The following ARAP2 variants were observed in gnomAD, a reference collection of about 807,000 sequenced individuals.
ARAP2 encodes arf-GAP with Rho-GAP domain, ANK repeat and PH domain-containing protein 2.
In ARAP2, 148 loss-of-function variants were observed where a neutral mutation model predicts 194.5. The ratio of observed to expected loss-of-function variants is 0.76; its 90% CI spans 0.67 to 0.87. The LOEUF (loss-of-function observed/expected upper bound fraction) is 0.87, where lower values mean the gene tolerates loss of function less well. Ranked by LOEUF, ARAP2 falls within the 40% of genes least tolerant of loss-of-function variation. The pLI, the probability that ARAP2 is intolerant of heterozygous loss-of-function variation, is 0.00. For synonymous variants in ARAP2, 695 were observed against 683.5 expected (o/e 1.02, Z -0.26); for missense variants, 2,128 against 1,989.7 (o/e 1.07, Z -1.32).
chr4:36,074,178 C>A (rs1348324259), intron 31 of ARAP2, among the ~76,000 whole-genome samples: 3 of 152,104 alleles, frequency 2.0e-5, no homozygotes, highest in African/African-American at 7.2e-5. Context: ...AGTAACTATA[C>A]ATTTACACCA....
chr4:36,211,059 C>A (rs1382395443), intron 5 of ARAP2, among the ~76,000 whole-genome samples: 1 of 152,106 alleles, frequency 6.6e-6, no homozygotes, highest in East Asian at 1.9e-4. Flanking sequence ...ACAATTTAAA[C>A]ATCTTTAATA....
chr4:36,158,745 T>C lies in ARAP2; in HGVS notation c.2737A>G (p.Lys913Glu). 1 of 1,604,832 alleles carries C rather than the reference T, an allele frequency of 6.2e-7. No homozygotes were observed. The highest frequency in any genetic ancestry group is 8.5e-7 in the Non-Finnish European group (1 of 1,177,456). The change falls in exon 15 of 33, where the codon AAA becomes GAA. Residue 913 changes from lysine (K) to glutamate (E), a missense_variant. Transcript: ENST00000303965. ...PSAASKLSSEKKLLEETNKKW... is the reference protein window; with the variant it reads ...PSAASKLSSEEKLLEETNKKW... ...GAAAAAATACCTTCAAGCAGTTTTT[T>C]CTCTGAAGAGAGTTTAGAAGCAGCA...
chr4:36,167,679 TTCAA>T (rs1735602340), intron 9 of ARAP2, among the ~76,000 whole-genome samples: 1 of 152,196 alleles, frequency 6.6e-6, no homozygotes, highest in African/African-American at 2.4e-5. Flanking sequence ...TTCATCTCCC[TTCAA>T]TCAGATTCCT....
At chr4:36,193,744 T>C in intron 6 of ARAP2, 97 bp from the exon 7 acceptor site, 2 of 961,480 alleles carry the variant, frequency 2.1e-6, no homozygotes, top group Non-Finnish European at 3.0e-6. Flanking sequence ...TATTATTATT[T>C]AATGTTAAAC....
chr4:36,016,110 T>G (rs1411560983), intron 6 of ARAP2, among the ~76,000 whole-genome samples: 2 of 152,138 alleles, frequency 1.3e-5, no homozygotes, highest in Non-Finnish European at 2.9e-5. Flanking sequence ...TATATAGTAG[T>G]TAGTTGAAAT....
At chr4:36,089,392 T>C (rs2109375733) in intron 28 of ARAP2, among the ~76,000 whole-genome samples, 2 of 152,280 alleles carry the variant, frequency 1.3e-5, no homozygotes, top group South Asian at 4.1e-4. Flanking sequence ...TCAGCTTTTA[T>C]GAATAAATCT....
chr4:36,025,105 C>A (rs1040170297), intron 5 of ARAP2, among the ~76,000 whole-genome samples: 8 of 152,046 alleles, frequency 5.3e-5, no homozygotes, highest in African/African-American at 1.9e-4. Context: ...AATTCATAGT[C>A]AAAAAGAATT....
chr4:36,122,242 T>C (rs1207214013), intron 22 of ARAP2, among the ~76,000 whole-genome samples: 1 of 151,734 alleles, frequency 6.6e-6, no homozygotes, highest in African/African-American at 2.4e-5. Flanking sequence ...AGAAATATCA[T>C]TCAACCCAGC....
At chr4:36,008,277 C>T (rs779971979) in intron 9 of ARAP2, among the ~76,000 whole-genome samples, 5 of 152,090 alleles carry the variant, frequency 3.3e-5, no homozygotes, top group Admixed American at 1.3e-4. Context: ...CATCACATTA[C>T]CTGACTTCAG....
chr4:36,166,263 A>G (rs1735264328), intron 10 of ARAP2, among the ~76,000 whole-genome samples: 1 of 152,118 alleles, frequency 6.6e-6, no homozygotes. Flanking sequence ...ATTATTTATA[A>G]CAAACGAATT....
At chr4:36,139,687 A>T (rs1727758237) in intron 19 of ARAP2, among the ~76,000 whole-genome samples, 1 of 151,642 alleles carries the variant, frequency 6.6e-6, no homozygotes, top group Non-Finnish European at 1.5e-5. Context: ...AAAGCTTTCA[A>T]CTTCCTTGTA....
At chr4:36,043,808 GGGAA>G (rs1721283653) in intron 5 of ARAP2, among the ~76,000 whole-genome samples, 3 of 25,822 alleles carry the variant, frequency 1.2e-4, no homozygotes, top group Non-Finnish European at 3.2e-4. Flanking sequence ...GGGAAGGGAA[GGGAA>G]GGGAAGGGAA....
At chr4:36,175,493 G>C (rs1267378278) in intron 9 of ARAP2, among the ~76,000 whole-genome samples, 1 of 152,096 alleles carries the variant, frequency 6.6e-6, no homozygotes, top group African/African-American at 2.4e-5. Context: ...CCTGAACGTG[G>C]ACGGCCTTCC....
At chr4:36,106,792 CT>C (rs1320524432) in intron 27 of ARAP2, among the ~76,000 whole-genome samples, 2 of 151,692 alleles carry the variant, frequency 1.3e-5, no homozygotes, top group Non-Finnish European at 2.9e-5. Flanking sequence ...TTTAAATGAG[CT>C]TTGGTGTGTG....
intron 19 of ARAP2, among the ~76,000 whole-genome samples, chr4:36,140,622 C>G (rs1022363137): frequency 2.0e-5 from 3 of 151,620 alleles, no homozygotes; most frequent in African/African-American, 7.3e-5. Context: ...GTATTGCTAA[C>G]ATATTAGCTG....
chr4:36,236,996 C>T (rs1323895879), intron 1 of ARAP2, among the ~76,000 whole-genome samples: 3 of 152,192 alleles, frequency 2.0e-5, no homozygotes, highest in East Asian at 3.8e-4. Flanking sequence ...GTTTGATGTG[C>T]GTCCATGTAC....
chr4:36,159,986 T>C (rs577191807), intron 13 of ARAP2: 2 of 711,122 alleles, frequency 2.8e-6, no homozygotes, highest in African/African-American at 3.9e-5. Context: ...GATCTTCCCC[T>C]CAGGGGCCGA....
chr4:36,136,558 C>T (rs1278334268), intron 19 of ARAP2, among the ~76,000 whole-genome samples: 2 of 151,690 alleles, frequency 1.3e-5, no homozygotes, highest in Non-Finnish European at 2.9e-5. Flanking sequence ...GATCAATAAA[C>T]TTGACCACAT....
At chr4:36,128,059 T>A (rs1212037892) in intron 21 of ARAP2, among the ~76,000 whole-genome samples, 1 of 151,988 alleles carries the variant, frequency 6.6e-6, no homozygotes, top group East Asian at 1.9e-4. Flanking sequence ...TTTCATTAGA[T>A]GGAATCTAGA....
Sources: allele counts gnomAD v4.1 joint callset (sites outside exome capture counted in the v4.1 genomes callset), GRCh38; gene constraint gnomAD v4.1.1; transcripts MANE v1.5; gene names NCBI Gene and HGNC (gene_info 2026-07-23, HGNC 2026-07-21).